The following GPBP1L1 variants were observed in gnomAD, a reference collection of about 807,000 sequenced individuals.
GPBP1L1 encodes vasculin-like protein 1.
A neutral mutation model predicts 52.5 loss-of-function variants in GPBP1L1; 23 were observed. The ratio of observed to expected loss-of-function variants is 0.44; its 90% CI spans 0.32 to 0.62. The LOEUF (loss-of-function observed/expected upper bound fraction) is 0.62, where lower values mean the gene tolerates loss of function less well. Ranked by LOEUF, GPBP1L1 falls within the 20% of genes least tolerant of loss-of-function variation. GPBP1L1 has a pLI of 0.06. For synonymous variants in GPBP1L1, 243 were observed against 203.1 expected, an observed-to-expected ratio of 1.20 and a Z score of -1.67; for missense variants, 596 against 579.3, an observed-to-expected ratio of 1.03 and a Z score of -0.30.
chr1:45,637,354 A>G (rs1486132754), intron 8 of GPBP1L1, among the ~76,000 whole-genome samples: 1 of 152,020 alleles, frequency 6.6e-6, no homozygotes, highest in Non-Finnish European at 1.5e-5. Flanking sequence ...CCACAATCAC[A>G]TTTCCTGAAA....
chr1:45,655,171 A>C lies in GPBP1L1; in HGVS notation c.190+19T>G. The C allele has an allele frequency of 6.2e-7, 1 of 1,613,990 alleles. No homozygotes were observed. Reference sequence around the variant, plus strand: ...AATGAGTAGCTTAAATATAGTCATGAAAGTTGGACATGGCTCACCTCCTGC... The same window carrying C: ...AATGAGTAGCTTAAATATAGTCATGCAAGTTGGACATGGCTCACCTCCTGC... On this transcript the variant is annotated intron_variant, in intron 5 of 12. Transcript: ENST00000355105.
At chr1:45,669,727 T>C (rs1280534765) in intron 2 of GPBP1L1, among the ~76,000 whole-genome samples, 1 of 152,122 alleles carries the variant, frequency 6.6e-6, no homozygotes, top group African/African-American at 2.4e-5. Flanking sequence ...AAAAAGAATG[T>C]AGTTCTCAGC....
chr1:45,631,324 G>A lies in GPBP1L1; in HGVS notation c.1045-718C>T, dbSNP rs147776482. On this transcript the variant is annotated intron_variant, in intron 10 of 12. Coordinates refer to ENST00000355105, the MANE Select transcript of GPBP1L1 (RefSeq NM_021639.5). The stretch of plus-strand genomic sequence containing the variant: ...GTTGCTCAGGCTGGAGTGCAGTGGC[G>A]CGATCTCGGCTCACTGCAACCCCCG... Among the ~76,000 whole-genome samples the A allele has an allele frequency of 6.2e-3, 941 of 152,144 alleles. 3 individuals carry two copies. The highest frequency in any genetic ancestry group is 0.031 in the Middle Eastern group (9 of 294).
chr1:45,676,909 G>A (rs1645152424), intron 2 of GPBP1L1, among the ~76,000 whole-genome samples: 2 of 150,840 alleles, frequency 1.3e-5, no homozygotes, highest in South Asian at 4.2e-4. Context: ...AAAGTACTTC[G>A]CCAGGAACGG....
At chr1:45,678,707 A>G (rs1277170632) in intron 2 of GPBP1L1, among the ~76,000 whole-genome samples, 1 of 152,242 alleles carries the variant, frequency 6.6e-6, no homozygotes, top group Non-Finnish European at 1.5e-5. Flanking sequence ...CACTAAAAAG[A>G]TATAGATAAA....
In GPBP1L1 at chr1:45,629,464, C is replaced by G. The variant is rs373567085; in HGVS notation, c.1272+112G>C. 36 of 146,262 alleles carry G rather than the reference C, an allele frequency of 2.5e-4. 1 individual carries two copies. Among genetic ancestry groups the G allele is most frequent in the African/African-American group, 6.8e-4 (24 of 35,460 alleles). The allele number at this position is 146,262 out of a possible 1,614,324, so 9.1% of individuals were successfully genotyped here. On this transcript the variant is annotated intron_variant, in intron 12 of 12. Coordinates refer to ENST00000355105, the MANE Select transcript of GPBP1L1 (RefSeq NM_021639.5). Reference sequence around the variant, plus strand: ...TTTCTACTAAGGTAATCCCCCCCCCCCCCACCCGATCTTTCTCTCACATTA... The same window carrying G: ...TTTCTACTAAGGTAATCCCCCCCCCGCCCACCCGATCTTTCTCTCACATTA...
chr1:45,669,787 TAAATAC>T (rs1645053206), intron 2 of GPBP1L1, among the ~76,000 whole-genome samples: 1 of 152,246 alleles, frequency 6.6e-6, no homozygotes, highest in South Asian at 2.1e-4. Context: ...TGACTTTTAG[TAAATAC>T]AAGGATTCAA....
rs778002443 is a variant in GPBP1L1, at chr1:45,630,464, G to A, written c.1169+18C>T. ...AAAGGTCAGACACTGCATGCCCTGTGATGTCCTCCTCACTTACCTGTGCTC... is the reference window on the plus strand; with the variant it reads ...AAAGGTCAGACACTGCATGCCCTGTAATGTCCTCCTCACTTACCTGTGCTC... On this transcript the variant is annotated intron_variant, in intron 11 of 12. Transcript: ENST00000355105. The A allele has an allele frequency of 3.7e-5, 59 of 1,613,124 alleles. No individual in the cohort carries two copies. The highest frequency in any genetic ancestry group is 5.0e-5 in the Non-Finnish European group (59 of 1,179,522).
At chr1:45,628,506 G>T in intron 12 of GPBP1L1, 98 bp from the exon 13 acceptor site, 1 of 1,114,170 alleles carries the variant, frequency 9.0e-7, no homozygotes, top group Non-Finnish European at 1.3e-6. Flanking sequence ...TTCAATTCTA[G>T]GTAGAATGTG....
At chr1:45,679,372 C>T (rs1243712536) in intron 2 of GPBP1L1, among the ~76,000 whole-genome samples, 1 of 152,216 alleles carries the variant, frequency 6.6e-6, no homozygotes, top group Non-Finnish European at 1.5e-5. Flanking sequence ...CCACCACCAA[C>T]AGCCACTGGA....
intron 6 of GPBP1L1, among the ~76,000 whole-genome samples, chr1:45,648,961 C>T (rs1042476801): frequency 1.3e-5 from 2 of 152,270 alleles, no homozygotes; most frequent in African/African-American, 2.4e-5. Context: ...ACCCACGAGG[C>T]GCAGGTTGCA....
At chr1:45,644,480 CCAGA>C (rs1351425634) in intron 6 of GPBP1L1, among the ~76,000 whole-genome samples, 1 of 151,898 alleles carries the variant, frequency 6.6e-6, no homozygotes, top group African/African-American at 2.4e-5. Context: ...CATAACATTA[CCAGA>C]CAAACCAGAA....
intron 2 of GPBP1L1, among the ~76,000 whole-genome samples, chr1:45,680,458 T>TA (rs1433365860): frequency 6.6e-6 from 1 of 151,926 alleles, no homozygotes; most frequent in African/African-American, 2.4e-5. Flanking sequence ...AGCCTGGTCT[T>TA]AAACTCCTGG....
At chr1:45,686,264 C>G (rs902042978) in intron 1 of GPBP1L1, 148 bp downstream of exon 1, 1 of 152,300 alleles carries the variant, frequency 6.6e-6, no homozygotes, top group Non-Finnish European at 1.5e-5. Context: ...CTCCGCTCGC[C>G]CCTCTCGGGT....
At chr1:45,632,671 G>A (rs571305474) in intron 10 of GPBP1L1, among the ~76,000 whole-genome samples, 9 of 152,302 alleles carry the variant, frequency 5.9e-5, no homozygotes, top group Non-Finnish European at 1.2e-4. Flanking sequence ...AGCCCAGATC[G>A]TGCCACTGCA....
chr1:45,658,879 C>A, intron 4 of GPBP1L1, 149 bp downstream of exon 4: 1 of 617,312 alleles, frequency 1.6e-6, no homozygotes. Context: ...GAGGCCAAAG[C>A]TGCAGTAAGC....
rs555877653 is a variant in GPBP1L1 at position 45,628,113 on chromosome 1, T to C, written c.*143A>G. On this transcript the variant is annotated 3_prime_UTR_variant, in exon 13 of 13. Transcript: ENST00000355105. ...CAATAACAAAAGCAAAACAAGCCAA[T>C]TGCTCTCTCTTTGGGATATGATTAT... is the stretch of plus-strand genomic sequence containing the variant. The C allele has an allele frequency of 6.5e-4, 536 of 824,404 alleles. No homozygotes were observed. The highest frequency in any genetic ancestry group is 1.0e-3 in the South Asian group (62 of 59,066). 51.1% of individuals were successfully genotyped at this position (824,404 alleles called of 1,614,324 possible). A position where few individuals can be genotyped will look rare whatever the true frequency, so the allele number is the denominator to read the frequency against.
At chr1:45,661,356 T>A (rs1022370586) in intron 2 of GPBP1L1, 131 bp from the exon 3 acceptor site, 1 of 152,192 alleles carries the variant, frequency 6.6e-6, no homozygotes, top group Non-Finnish European at 1.5e-5. Context: ...TTAAGTCCAA[T>A]TTAGATACTA....
intron 8 of GPBP1L1, chr1:45,634,706 A>T (rs10890334): frequency 0.28 from 43,416 of 152,876 alleles, 6,297 homozygotes; most frequent in South Asian, 0.37. Flanking sequence ...CTTTCCAGGA[A>T]CTCTGATGGC....
Sources: allele counts gnomAD v4.1 joint callset (sites outside exome capture counted in the v4.1 genomes callset), GRCh38; gene constraint gnomAD v4.1.1; transcripts MANE v1.5; gene names NCBI Gene and HGNC (gene_info 2026-07-23, HGNC 2026-07-21).